The following COG5 variants were observed in gnomAD, a reference collection of about 807,000 sequenced individuals.
The protein encoded by COG5 is conserved oligomeric Golgi complex subunit 5.
A neutral mutation model predicts 110.4 loss-of-function variants in COG5; 86 were observed. The ratio of observed to expected loss-of-function variants is 0.78; its 90% CI spans 0.65 to 0.93. The LOEUF (loss-of-function observed/expected upper bound fraction) is 0.93. Ranked by LOEUF, COG5 falls within the 40% of genes least tolerant of loss-of-function variation. The probability of loss-of-function intolerance (pLI) is 0.00; values close to 1 mark genes in which losing one functional copy is unlikely to be tolerated. For missense variants in COG5, 1,077 were observed against 987.0 expected (o/e 1.09, Z -1.22); for synonymous variants, 360 against 334.6 (o/e 1.08, Z -0.83).
intron 6 of COG5, among the ~76,000 whole-genome samples, chr7:107,509,749 T>A (rs1416457557): frequency 6.6e-6 from 1 of 152,202 alleles, no homozygotes; most frequent in Non-Finnish European, 1.5e-5. Context: ...ATATTCAACA[T>A]TCTTAAAGAA....
intron 5 of COG5, among the ~76,000 whole-genome samples, chr7:107,532,458 T>C (rs1301843434): frequency 1.3e-5 from 2 of 152,196 alleles, no homozygotes; most frequent in Non-Finnish European, 2.9e-5. Flanking sequence ...AAATATCACA[T>C]AAATATTCAT....
intron 6 of COG5, among the ~76,000 whole-genome samples, chr7:107,481,811 C>T (rs1797368068): frequency 1.3e-5 from 2 of 152,144 alleles, no homozygotes. Context: ...TTTATAAAAA[C>T]TGTCTTAAAT....
intron 6 of COG5, among the ~76,000 whole-genome samples, chr7:107,481,100 T>A (rs767414372): frequency 6.6e-6 from 1 of 152,282 alleles, no homozygotes; most frequent in East Asian, 1.9e-4. Context: ...TCCCTGCCAC[T>A]ATCAAACCCC....
intron 5 of COG5, among the ~76,000 whole-genome samples, chr7:107,544,045 C>A (rs913147942): frequency 6.6e-6 from 1 of 152,118 alleles, no homozygotes; most frequent in Non-Finnish European, 1.5e-5. Flanking sequence ...CTAGGAAGAC[C>A]CTCATGGCTC....
At chr7:107,283,068 T>C (rs754522894) in intron 13 of COG5, among the ~76,000 whole-genome samples, 2 of 152,210 alleles carry the variant, frequency 1.3e-5, no homozygotes, top group Non-Finnish European at 2.9e-5. Context: ...GGCATTCAGG[T>C]GGCACCTCTG....
chr7:107,563,779 C>G (rs756754095), intron 1 of COG5, 24 bp downstream of exon 1: 5 of 1,613,610 alleles, frequency 3.1e-6, no homozygotes, highest in South Asian at 1.1e-5. Context: ...AACCCCACGA[C>G]CTGGTCAGAC....
At chr7:107,316,629 CA>C (rs1808774350) in intron 11 of COG5, among the ~76,000 whole-genome samples, 1 of 119,948 alleles carries the variant, frequency 8.3e-6, no homozygotes, top group Non-Finnish European at 1.6e-5. Context: ...CTGGCTAACA[CA>C]GTGAAACTCA....
At chr7:107,296,013 G>T (rs541714191) in intron 12 of COG5, among the ~76,000 whole-genome samples, 1 of 151,842 alleles carries the variant, frequency 6.6e-6, no homozygotes, top group African/African-American at 2.4e-5. Context: ...GACTGGTCTC[G>T]AACTCCTGAC....
intron 12 of COG5, among the ~76,000 whole-genome samples, chr7:107,289,703 T>C (rs1339920428): frequency 6.6e-6 from 1 of 152,198 alleles, no homozygotes; most frequent in African/African-American, 2.4e-5. Context: ...TGAGTATAAA[T>C]TTGCACTCCT....
At chr7:107,514,618 T>G (rs574658306) in intron 6 of COG5, among the ~76,000 whole-genome samples, 106 of 152,278 alleles carry the variant, frequency 7.0e-4, no homozygotes, top group African/African-American at 2.5e-3. Flanking sequence ...CAGCTCAGGC[T>G]TTAGAATCAG....
chr7:107,408,105 G>C (rs946109935), intron 7 of COG5, among the ~76,000 whole-genome samples: 1 of 152,184 alleles, frequency 6.6e-6, no homozygotes, highest in Non-Finnish European at 1.5e-5. Context: ...AATCAGAGTA[G>C]AACAGGAGTC....
intron 7 of COG5, among the ~76,000 whole-genome samples, chr7:107,403,461 C>T (rs1791587207): frequency 6.6e-6 from 1 of 151,048 alleles, no homozygotes; most frequent in Non-Finnish European, 1.5e-5. Context: ...TATAGGTATA[C>T]ACGTGCCATG....
At chr7:107,377,739 C>A (rs928067182) in intron 7 of COG5, among the ~76,000 whole-genome samples, 1 of 152,194 alleles carries the variant, frequency 6.6e-6, no homozygotes, top group Non-Finnish European at 1.5e-5. Context: ...ATAATCTTTA[C>A]TCTCTAGATT....
At chr7:107,247,896 G>A (rs1348586698) in intron 17 of COG5, among the ~76,000 whole-genome samples, 1 of 152,182 alleles carries the variant, frequency 6.6e-6, no homozygotes, top group African/African-American at 2.4e-5. Flanking sequence ...AATCTTGGAG[G>A]AGGTTGGGCT....
At chr7:107,333,140 T>C (rs1480806380) in intron 10 of COG5, among the ~76,000 whole-genome samples, 5 of 152,132 alleles carry the variant, frequency 3.3e-5, no homozygotes, top group South Asian at 2.1e-4. Flanking sequence ...ATAAATCATG[T>C]TGTGAATAAG....
intron 6 of COG5, among the ~76,000 whole-genome samples, chr7:107,511,314 C>A (rs190757081): frequency 7.2e-5 from 11 of 152,232 alleles, no homozygotes; most frequent in Admixed American, 2.0e-4. Flanking sequence ...ATAAATTCCT[C>A]GACACATACA....
intron 12 of COG5, among the ~76,000 whole-genome samples, chr7:107,285,629 C>G (rs1805567480): frequency 6.6e-6 from 1 of 152,058 alleles, no homozygotes; most frequent in African/African-American, 2.4e-5. Context: ...TTTCCTTCCA[C>G]AAATATTAAG....
chr7:107,319,330 T>C (rs1809041773), intron 11 of COG5, among the ~76,000 whole-genome samples: 1 of 152,250 alleles, frequency 6.6e-6, no homozygotes, highest in Non-Finnish European at 1.5e-5. Context: ...TGGTCTCATT[T>C]TCCTGCTTCT....
intron 14 of COG5, among the ~76,000 whole-genome samples, chr7:107,259,584 C>T (rs1021808471): frequency 3.9e-5 from 6 of 152,036 alleles, no homozygotes; most frequent in African/African-American, 7.2e-5. Flanking sequence ...ATGGCAGACT[C>T]GGGGCAGGGG....
Sources: gnomAD v4.1 joint callset for allele counts (sites outside exome capture counted in the v4.1 genomes callset) on GRCh38, gnomAD v4.1.1 for gene constraint, MANE v1.5 for transcripts, NCBI Gene and HGNC (gene_info 2026-07-23, HGNC 2026-07-21) for gene names.